The following KANK4 variants were observed in gnomAD, a reference collection of about 807,000 sequenced individuals.
KANK4 encodes the protein KN motif and ankyrin repeat domains 4.
Under a neutral mutation model 80.8 loss-of-function variants are expected in KANK4, and 50 were observed. The ratio of observed to expected loss-of-function variants is 0.62; its 90% CI spans 0.49 to 0.78. The LOEUF (loss-of-function observed/expected upper bound fraction) is 0.78. Ranked by LOEUF, KANK4 falls within the 30% of genes least tolerant of loss-of-function variation. The pLI is 0.00. For synonymous variants in KANK4, 465 were observed against 506.9 expected (o/e 0.92, Z 1.11); for missense variants, 1,196 against 1,240.1 (o/e 0.96, Z 0.53).
chr1:62,300,194 T>C (rs557781322), intron 1 of KANK4, among the ~76,000 whole-genome samples: 5 of 152,254 alleles, frequency 3.3e-5, no homozygotes, highest in East Asian at 3.9e-4. Flanking sequence ...TTCTCAACCA[T>C]TGAGTCCCCT....
intron 6 of KANK4, among the ~76,000 whole-genome samples, chr1:62,264,620 G>C (rs1249059385): frequency 6.6e-6 from 1 of 152,114 alleles, no homozygotes; most frequent in Non-Finnish European, 1.5e-5. Context: ...ACAGTATCCG[G>C]TGCTTTGATC....
At chr1:62,270,125 G>A (rs1441159600) in intron 4 of KANK4, among the ~76,000 whole-genome samples, 2 of 152,184 alleles carry the variant, frequency 1.3e-5, no homozygotes, top group Admixed American at 1.3e-4. Context: ...CCTGTTGGAG[G>A]GAGGGAAGGA....
chr1:62,301,394 G>A (rs1644410917), intron 1 of KANK4, among the ~76,000 whole-genome samples: 1 of 152,108 alleles, frequency 6.6e-6, no homozygotes, highest in Non-Finnish European at 1.5e-5. Context: ...AAATTAACCA[G>A]TGATGAACCT....
At position 62,267,922 on chromosome 1, in the gene KANK4, C is replaced by T. The variant is rs1672063852; in HGVS notation, c.2231+365G>A. On this transcript the variant is annotated intron_variant, in intron 5 of 9. Coordinates refer to ENST00000371153, the MANE Select transcript of KANK4 (RefSeq NM_181712.5). Reference sequence around the variant, plus strand: ...GGGTCCCTATTCTGCTAGCTGCGTCCCCACACTTCCCTAAGTCTCTGTTTC... The same window carrying T: ...GGGTCCCTATTCTGCTAGCTGCGTCTCCACACTTCCCTAAGTCTCTGTTTC... Among the ~76,000 whole-genome samples the T allele has an allele frequency of 2.0e-5, 3 of 152,128 alleles. 1 individual carries two copies. In the South Asian group the frequency reaches 6.2e-4, roughly 32 times the overall value.
intron 1 of KANK4, among the ~76,000 whole-genome samples, chr1:62,286,438 C>A (rs1432807623): frequency 6.6e-6 from 1 of 152,220 alleles, no homozygotes; most frequent in Non-Finnish European, 1.5e-5. Context: ...ATTCACTGCT[C>A]AATAAACTAA....
rs937022772 is a variant in KANK4, at chr1:62,314,117, G to A, written c.-71+4989C>T. Among the ~76,000 whole-genome samples, 4 of 152,192 alleles carry A rather than the reference G, an allele frequency of 2.6e-5. No individual in the cohort carries two copies. In the South Asian group the frequency reaches 6.2e-4, roughly 24 times the overall value. On this transcript the variant is annotated intron_variant, in intron 1 of 9. Coordinates refer to ENST00000371153, the MANE Select transcript of KANK4 (RefSeq NM_181712.5). ...CAACTTCTGCCTCCTGGGTTCAAGC[G>A]ATTCTCCTGCCTCAGCCTCCTGAGT... is the stretch of plus-strand genomic sequence containing the variant.
At chr1:62,267,185 T>A (rs1185201435) in intron 5 of KANK4, among the ~76,000 whole-genome samples, 1 of 152,148 alleles carries the variant, frequency 6.6e-6, no homozygotes, top group Non-Finnish European at 1.5e-5. Context: ...GAACCAAACA[T>A]TTTCTGCCTG....
intron 7 of KANK4, among the ~76,000 whole-genome samples, chr1:62,258,323 C>T (rs540788792): frequency 2.3e-4 from 35 of 152,338 alleles, no homozygotes; most frequent in South Asian, 1.9e-3. Context: ...TGGCTTCTAA[C>T]GTTGAATACA....
chr1:62,274,376 T>C lies in KANK4; in HGVS notation c.728A>G (p.Asn243Ser), dbSNP rs1385471006. Reference protein sequence around the residue: ...EPPEGVVKVPNHLPLPGPPFS... With the variant: ...EPPEGVVKVPSHLPLPGPPFS... ...AGGAGGGCCTGGGAGAGGGAGGTGATTTGGAACCTTCACCACACCCTCTGG... is the reference window on the plus strand; with the variant it reads ...AGGAGGGCCTGGGAGAGGGAGGTGACTTGGAACCTTCACCACACCCTCTGG... The change falls in exon 3 of 10, where the codon AAT (asparagine) becomes AGT (serine). Residue 243 changes from asparagine (N) to serine (S), a missense_variant. Physicochemically the swap from Asn to Ser is conservative, Grantham distance 46. This residue lies in a region of KANK4 where 1,154 missense variants were observed against 1,179.6 expected (regional missense o/e 0.98). Transcript: ENST00000371153. 6.2e-7 allele frequency: 1 copy of C among 1,614,076 alleles called. No individual in the cohort carries two copies. The highest frequency in any genetic ancestry group is 8.5e-7 in the Non-Finnish European group (1 of 1,179,990).
chr1:62,269,567 C>G (rs115577967), intron 4 of KANK4, among the ~76,000 whole-genome samples: 179 of 152,306 alleles, frequency 1.2e-3, no homozygotes, highest in Middle Eastern at 6.8e-3. Context: ...ATTTACCAAA[C>G]AGTGCTCATC....
chr1:62,305,745 C>T (rs1644446546), intron 1 of KANK4, among the ~76,000 whole-genome samples: 1 of 152,084 alleles, frequency 6.6e-6, no homozygotes, highest in Non-Finnish European at 1.5e-5. Flanking sequence ...ATCGGGAATC[C>T]AAAGAATGGA....
At chr1:62,310,732 C>T (rs564587124) in intron 1 of KANK4, among the ~76,000 whole-genome samples, 1 of 152,218 alleles carries the variant, frequency 6.6e-6, no homozygotes, top group South Asian at 2.1e-4. Context: ...GGAAGCCTTC[C>T]TAAAAGAGCT....
intron 1 of KANK4, among the ~76,000 whole-genome samples, chr1:62,305,550 A>T (rs948025553): frequency 1.3e-5 from 2 of 152,022 alleles, no homozygotes; most frequent in Non-Finnish European, 2.9e-5. Context: ...ACCTAAGGTG[A>T]TCCACCTGCC....
At position 62,274,640 on chromosome 1, in the gene KANK4, C is replaced by T. The variant is rs889470283; in HGVS notation, c.464G>A (p.Gly155Glu). 4.3e-6 allele frequency: 7 copies of T among 1,614,056 alleles called. No individual in the cohort carries two copies. The African/African-American group carries it at 6.7e-5, about 15-fold the overall frequency. The change falls in exon 3 of 10, where the codon GGA becomes GAA. Residue 155 changes from glycine to glutamate, a missense_variant. Physicochemically the swap from Gly to Glu is moderately conservative, Grantham distance 98. Around this residue, in one of 3 missense-constraint regions of KANK4, gnomAD observed 1,154 missense variants for 1,179.6 expected, o/e 0.98. Transcript: ENST00000371153. ...PEDAELTFGS[G>E]RPQLLRASSM... ...GGATGCTCTCAAGAGCTGGGGCCGTCCACTCCCAAAAGTGAGCTCGGCATC... is the reference window on the plus strand; with the variant it reads ...GGATGCTCTCAAGAGCTGGGGCCGTTCACTCCCAAAAGTGAGCTCGGCATC...
chr1:62,252,870 T>C (rs770790141), intron 8 of KANK4, among the ~76,000 whole-genome samples, 197 bp downstream of exon 8: 14 of 152,246 alleles, frequency 9.2e-5, no homozygotes, highest in Non-Finnish European at 2.1e-4. Flanking sequence ...GTGCAAGCTG[T>C]GCAAGCTCCT....
At chr1:62,268,553 C>A (rs1226137876) in intron 4 of KANK4, 48 bp from the exon 5 acceptor site, 1 of 1,477,386 alleles carries the variant, frequency 6.8e-7, no homozygotes, top group East Asian at 2.3e-5. Context: ...CTGCCCAGTG[C>A]CCATGTCAAC....
chr1:62,239,181 C>G (rs1203534408), intron 9 of KANK4, among the ~76,000 whole-genome samples: 1 of 152,018 alleles, frequency 6.6e-6, no homozygotes, highest in Non-Finnish European at 1.5e-5. Flanking sequence ...GGATTACAGA[C>G]ATGAATTTGC....
At chr1:62,286,865 G>C (rs915585406) in intron 1 of KANK4, among the ~76,000 whole-genome samples, 1 of 152,128 alleles carries the variant, frequency 6.6e-6, no homozygotes, top group African/African-American at 2.4e-5. Flanking sequence ...CCTGGGGCTG[G>C]ACTGGCAGCT....
rs569683686 is a variant in KANK4, at chr1:62,238,355, A to C, written c.2910T>G (p.Ala970=). 2 of 1,613,908 alleles carry C rather than the reference A, an allele frequency of 1.2e-6. No homozygotes were observed. The highest frequency in any genetic ancestry group is 1.7e-6 in the Non-Finnish European group (2 of 1,180,024). Residue 970 remains alanine, a synonymous_variant, in exon 10 of 10, where the codon GCT becomes GCG. Transcript: ENST00000371153. ...DKAGRTALSI[A]LKSPTHMEIA... ...TTTCCATATGGGTGGGTGACTTCAGAGCGATGGACAAAGCTGTGCGGCCAG... is the reference window on the plus strand; with the variant it reads ...TTTCCATATGGGTGGGTGACTTCAGCGCGATGGACAAAGCTGTGCGGCCAG...
Sources: allele counts gnomAD v4.1 joint callset (sites outside exome capture counted in the v4.1 genomes callset), GRCh38; gene constraint gnomAD v4.1.1; regional missense constraint gnomAD v4.1.1; transcripts MANE v1.5; gene names NCBI Gene and HGNC (gene_info 2026-07-23, HGNC 2026-07-21).